Variants in ADCK1 observed in about 807,000 individuals in gnomAD.
ADCK1 encodes aarF domain containing kinase 1, also known as aarF domain-containing protein kinase 1.
A neutral mutation model predicts 52.3 loss-of-function variants in ADCK1; 41 were observed. The observed-to-expected ratio is 0.78, with a 90% CI of 0.61 to 1.02. The LOEUF (loss-of-function observed/expected upper bound fraction) is 1.02. Among genes scored for constraint, ADCK1 ranks in the 50% least tolerant of loss-of-function variants. ADCK1 has a pLI of 0.00. For synonymous variants in ADCK1, 250 were observed against 274.6 expected (o/e 0.91, Z 0.89); for missense variants, 658 against 679.5 (o/e 0.97, Z 0.35).
chr14:77,844,454 C>A (rs1224209597), intron 3 of ADCK1, among the ~76,000 whole-genome samples: 1 of 152,176 alleles, frequency 6.6e-6, no homozygotes, highest in African/African-American at 2.4e-5. Context: ...AAACAGTGCT[C>A]AATGCAAAGG....
At chr14:77,903,296 C>T (rs1215307462) in intron 6 of ADCK1, among the ~76,000 whole-genome samples, 4 of 152,216 alleles carry the variant, frequency 2.6e-5, no homozygotes, top group African/African-American at 9.7e-5. Flanking sequence ...CCCAGTTCAG[C>T]TCTTAAAACT....
intron 4 of ADCK1, among the ~76,000 whole-genome samples, chr14:77,861,265 C>G (rs2082539498): frequency 6.6e-6 from 1 of 152,128 alleles, no homozygotes; most frequent in Non-Finnish European, 1.5e-5. Context: ...TTACCAGGGC[C>G]CCACAGGCAC....
chr14:77,811,113 TG>T (rs1385821408), intron 1 of ADCK1, among the ~76,000 whole-genome samples: 2 of 151,612 alleles, frequency 1.3e-5, no homozygotes, highest in Non-Finnish European at 1.5e-5. Flanking sequence ...TAGGGTTAAG[TG>T]GGGGCCACCT....
chr14:77,827,314 T>G (rs948100606), intron 3 of ADCK1, among the ~76,000 whole-genome samples: 1 of 136,974 alleles, frequency 7.3e-6, no homozygotes, highest in Non-Finnish European at 1.5e-5. Flanking sequence ...ATTGGGCCAC[T>G]GCACTCCAGC....
intron 1 of ADCK1, among the ~76,000 whole-genome samples, chr14:77,812,949 C>A (rs1350856160): frequency 6.6e-6 from 1 of 152,030 alleles, no homozygotes; most frequent in Admixed American, 6.6e-5. Flanking sequence ...GAACTGATCC[C>A]AGGAGTTGGG....
intron 5 of ADCK1, among the ~76,000 whole-genome samples, chr14:77,897,764 C>T (rs1273492604): frequency 6.6e-6 from 1 of 152,168 alleles, no homozygotes; most frequent in Non-Finnish European, 1.5e-5. Context: ...ACCAAACATT[C>T]AACTTAAGAA....
At chr14:77,860,139 T>C (rs1326827837) in intron 4 of ADCK1, among the ~76,000 whole-genome samples, 1 of 152,176 alleles carries the variant, frequency 6.6e-6, no homozygotes, top group Non-Finnish European at 1.5e-5. Context: ...CCTTGACCGA[T>C]CTTATCCCTC....
chr14:77,928,789 A>T (rs946012864), intron 9 of ADCK1, among the ~76,000 whole-genome samples: 1 of 152,044 alleles, frequency 6.6e-6, no homozygotes, highest in Non-Finnish European at 1.5e-5. Flanking sequence ...ATTGATAAAG[A>T]CTCAGTTTAA....
intron 3 of ADCK1, among the ~76,000 whole-genome samples, chr14:77,831,353 G>T (rs771015548): frequency 2.0e-4 from 31 of 152,240 alleles, no homozygotes; most frequent in Non-Finnish European, 3.7e-4. Context: ...GGCTCCCTCC[G>T]CATGGTTGTG....
Position 77,925,878 on chromosome 14 carries a change from C to T in ADCK1, c.1123C>T (p.Pro375Ser), listed in dbSNP as rs376101841. The T allele has an allele frequency of 1.2e-6, 2 of 1,614,076 alleles. No individual in the cohort carries two copies. Among genetic ancestry groups the T allele is most frequent in the African/African-American group, 2.7e-5 (2 of 74,926 alleles). ...SQRLGAGDLY[P>S]LFACMLTARS... ...GCGACTGGGAGCCGGGGATCTCTAC[C>T]CCTTGTTTGCCTGCATGCTGACGGC... The change falls in exon 9 of 11, where the codon CCC (proline) becomes TCC (serine). Residue 375 changes from proline to serine, a missense_variant. Pro to Ser is a moderately conservative substitution (Grantham distance 74). Transcript: ENST00000238561.
chr14:77,889,886 T>TA (rs10683624), intron 5 of ADCK1, among the ~76,000 whole-genome samples: 34,901 of 122,996 alleles, frequency 0.28, 5,304 homozygotes, highest in East Asian at 0.42. Context: ...TATATAGAGT[T>TA]AAAAAAAAAA....
rs144862890 is a variant in ADCK1, at chr14:77,834,459, C to G, written c.219+11941C>G. 1.3e-4 allele frequency among the ~76,000 whole-genome samples: 20 copies of G among 152,336 alleles called. No homozygotes were observed. The East Asian group carries it at 3.3e-3, about 25-fold the overall frequency. Reference sequence around the variant, plus strand: ...CTTTACCCTGCTGTTTTTGGCTACTCTCTTTCCGGCTCTTCTCTTTTCCTA... The same window carrying G: ...CTTTACCCTGCTGTTTTTGGCTACTGTCTTTCCGGCTCTTCTCTTTTCCTA... On this transcript the variant is annotated intron_variant, in intron 3 of 10. Transcript: ENST00000238561.
At chr14:77,827,350 C>CAAA (rs772586548) in intron 3 of ADCK1, among the ~76,000 whole-genome samples, 10 of 72,046 alleles carry the variant, frequency 1.4e-4, no homozygotes, top group Admixed American at 1.6e-4. Flanking sequence ...GACTCTGTCT[C>CAAA]AAAAAAAAAA....
rs181121670 is a variant in ADCK1, at chr14:77,926,505, G to T, written c.1206+544G>T. On this transcript the variant is annotated intron_variant, in intron 9 of 10. Transcript: ENST00000238561. ...GTTTGTTTGTTTGTTTAATGAGACG[G>T]AGTCTCGCTCTGTCGCCCAGGCTGG... Among the ~76,000 whole-genome samples, 7 of 152,300 alleles carry T rather than the reference G, an allele frequency of 4.6e-5. No homozygotes were observed. The East Asian group carries it at 1.4e-3, about 29-fold the overall frequency.
intron 9 of ADCK1, among the ~76,000 whole-genome samples, chr14:77,927,074 A>G (rs2140298862): frequency 1.3e-5 from 2 of 152,244 alleles, no homozygotes; most frequent in Middle Eastern, 6.8e-3. Flanking sequence ...CGTCTTCCTT[A>G]CAGTGTGACC....
At chr14:77,919,781 A>G (rs930390595) in intron 7 of ADCK1, among the ~76,000 whole-genome samples, 2 of 152,116 alleles carry the variant, frequency 1.3e-5, no homozygotes, top group African/African-American at 2.4e-5. Context: ...CCATTCTTTC[A>G]GGAGTAAGGT....
At chr14:77,911,455 G>T (rs1428667089) in intron 7 of ADCK1, among the ~76,000 whole-genome samples, 1 of 152,188 alleles carries the variant, frequency 6.6e-6, no homozygotes, top group East Asian at 1.9e-4. Context: ...AGGAGCTGGA[G>T]CACCATCTGA....
At chr14:77,808,633 T>C (rs2081277209) in intron 1 of ADCK1, among the ~76,000 whole-genome samples, 3 of 152,340 alleles carry the variant, frequency 2.0e-5, no homozygotes, top group East Asian at 3.9e-4. Flanking sequence ...TGGAGTGCAA[T>C]GGCGTGATCT....
chr14:77,926,839 A>AT (rs1457101026), intron 9 of ADCK1, among the ~76,000 whole-genome samples: 16 of 152,114 alleles, frequency 1.1e-4, no homozygotes, highest in Admixed American at 9.2e-4. Context: ...ACAGAAGCTT[A>AT]TGGGGGCGAG....
Sources: gnomAD v4.1 joint callset for allele counts (sites outside exome capture counted in the v4.1 genomes callset) on GRCh38, gnomAD v4.1.1 for gene constraint, MANE v1.5 for transcripts, NCBI Gene and HGNC (gene_info 2026-07-23, HGNC 2026-07-21) for gene names.